Variants in USP15 observed in about 807,000 individuals in gnomAD.
USP15 encodes the protein ubiquitin carboxyl-terminal hydrolase 15.
Under a neutral mutation model 127.1 loss-of-function variants are expected in USP15, and 18 were observed. The observed-to-expected ratio is 0.14, with a 90% CI of 0.10 to 0.21. USP15 has a LOEUF of 0.21. Ranked by LOEUF, USP15 falls within the 10% of genes least tolerant of loss-of-function variation. The pLI is 1.00. For synonymous variants in USP15, 364 were observed against 393.7 expected (o/e 0.92, Z 0.89); for missense variants, 805 against 1,159.9 (o/e 0.69, Z 4.44).
intron 8 of USP15, among the ~76,000 whole-genome samples, chr12:62,371,638 G>A (rs2066672529): frequency 6.6e-6 from 1 of 152,028 alleles, no homozygotes; most frequent in Admixed American, 6.6e-5. Flanking sequence ...TCTTACACAA[G>A]TACCAATCTG....
At chr12:62,269,382 C>A (rs560352865) in intron 1 of USP15, among the ~76,000 whole-genome samples, 2 of 151,460 alleles carry the variant, frequency 1.3e-5, no homozygotes, top group South Asian at 4.2e-4. Context: ...ATATATATAT[C>A]TAAACATAGA....
chr12:62,308,551 T>C (rs942740789), intron 3 of USP15, among the ~76,000 whole-genome samples: 42 of 152,078 alleles, frequency 2.8e-4, no homozygotes, highest in Admixed American at 2.0e-4. Context: ...ACTTTGCCCT[T>C]AACTTACCCT....
At chr12:62,264,662 C>G (rs1308885461) in intron 1 of USP15, among the ~76,000 whole-genome samples, 1 of 152,244 alleles carries the variant, frequency 6.6e-6, no homozygotes, top group East Asian at 1.9e-4. Flanking sequence ...TCCATTCCGA[C>G]TTTTACTTAG....
chr12:62,393,157 G>A lies in USP15; in HGVS notation c.2525G>A (p.Arg842Gln). ...CATCTCAAGCGATTTTCTTACAGTC[G>A]ATACATGAGAGACAAGTTGGATACC... ...VVHLKRFSYS[R>Q]YMRDKLDTLV... Residue 842 changes from arginine (R) to glutamine (Q), a missense_variant, in exon 19 of 22, where the codon CGA (arginine) becomes CAA (glutamine). Arg to Gln is a conservative substitution (Grantham distance 43). Around this residue, in one of 11 missense-constraint regions of USP15, gnomAD observed 24 missense variants for 71.5 expected, o/e 0.34. Transcript: ENST00000280377. 7 of 1,613,630 alleles carry A rather than the reference G, an allele frequency of 4.3e-6. No individual in the cohort carries two copies. Among genetic ancestry groups the A allele is most frequent in the Non-Finnish European group, 5.1e-6 (6 of 1,179,792 alleles).
chr12:62,314,399 A>T (rs2064770169), intron 3 of USP15, among the ~76,000 whole-genome samples: 1 of 151,860 alleles, frequency 6.6e-6, no homozygotes, highest in Admixed American at 6.6e-5. Flanking sequence ...AACTCTGTTT[A>T]TTTGTATTAT....
chr12:62,264,823 A>C (rs4763165), intron 1 of USP15, among the ~76,000 whole-genome samples: 1 of 152,252 alleles, frequency 6.6e-6, no homozygotes, highest in Non-Finnish European at 1.5e-5. Context: ...ATACTTAAAG[A>C]AATTTTTATA....
chr12:62,297,522 G>T (rs1211962716), intron 2 of USP15, among the ~76,000 whole-genome samples: 1 of 151,974 alleles, frequency 6.6e-6, no homozygotes, highest in Non-Finnish European at 1.5e-5. Context: ...GCAGTATGAT[G>T]TAAGATACCA....
chr12:62,336,137 C>G (rs777183822), intron 6 of USP15: 13 of 985,372 alleles, frequency 1.3e-5, no homozygotes, highest in Non-Finnish European at 1.6e-5. Flanking sequence ...GTCAGAAGAC[C>G]TCTTTTATCA....
At chr12:62,343,708 C>T (rs755033938) in intron 6 of USP15, among the ~76,000 whole-genome samples, 10 of 152,146 alleles carry the variant, frequency 6.6e-5, no homozygotes, top group Non-Finnish European at 1.5e-4. Flanking sequence ...TGCTTCTGCT[C>T]ACTCTCTGTG....
chr12:62,371,905 G>A, intron 8 of USP15, among the ~76,000 whole-genome samples: 1 of 152,114 alleles, frequency 6.6e-6, no homozygotes, highest in East Asian at 1.9e-4. Flanking sequence ...GTGTGTGTGA[G>A]TAAGCAGGTT....
At chr12:62,293,352 GT>G (rs1488443831) in intron 1 of USP15, among the ~76,000 whole-genome samples, 1 of 151,920 alleles carries the variant, frequency 6.6e-6, no homozygotes, top group Non-Finnish European at 1.5e-5. Context: ...GTGATTATGT[GT>G]TTGTAATTTT....
At chr12:62,299,863 G>A (rs181512446) in intron 2 of USP15, among the ~76,000 whole-genome samples, 5 of 152,228 alleles carry the variant, frequency 3.3e-5, no homozygotes, top group Non-Finnish European at 1.5e-5. Flanking sequence ...CCGTCCAAGT[G>A]GGTGTGAAGT....
At chr12:62,352,940 C>A (rs1431725683) in intron 7 of USP15, among the ~76,000 whole-genome samples, 1 of 151,770 alleles carries the variant, frequency 6.6e-6, no homozygotes, top group Admixed American at 6.6e-5. Context: ...TTTATTTTTG[C>A]AAAGTAGCAT....
intron 14 of USP15, 146 bp downstream of exon 14, chr12:62,390,134 C>T (rs981205763): frequency 4.5e-6 from 4 of 885,960 alleles, no homozygotes; most frequent in Non-Finnish European, 6.3e-6. Context: ...AGATTATAGT[C>T]CTAATCCACT....
rs1012176599 is a variant in USP15, at chr12:62,393,342, A to C, written c.2570+140A>C. The C allele has an allele frequency of 2.8e-5, 25 of 891,050 alleles. No homozygotes were observed. The South Asian group carries it at 3.0e-4, about 11-fold the overall frequency. The allele number at this position is 891,050 out of a possible 1,614,324, so 55.2% of individuals were successfully genotyped here. Reference sequence around the variant, plus strand: ...TTCAAGTTTGTTTTTGAGTAGTTCTAACAGTTTATAAGGATCAGTGTTTCA... The same window carrying C: ...TTCAAGTTTGTTTTTGAGTAGTTCTCACAGTTTATAAGGATCAGTGTTTCA... On this transcript the variant is annotated intron_variant, in intron 19 of 21. Coordinates refer to ENST00000280377, the MANE Select transcript of USP15 (RefSeq NM_001252078.2).
At chr12:62,391,703 T>C in intron 16 of USP15, 113 bp from the exon 17 acceptor site, 1 of 1,019,094 alleles carries the variant, frequency 9.8e-7, no homozygotes, top group Non-Finnish European at 1.4e-6. Flanking sequence ...TAATCACCAG[T>C]ACAAGTAGAA....
intron 7 of USP15, among the ~76,000 whole-genome samples, chr12:62,352,065 A>G (rs1244538592): frequency 6.6e-6 from 1 of 151,818 alleles, no homozygotes; most frequent in East Asian, 1.9e-4. Context: ...TGTTTTTGAA[A>G]CCTTATGTAT....
intron 6 of USP15, among the ~76,000 whole-genome samples, chr12:62,345,741 C>G (rs1051007295): frequency 6.6e-6 from 1 of 152,122 alleles, no homozygotes; most frequent in Non-Finnish European, 1.5e-5. Context: ...TTCCACGTTT[C>G]TGGGGTGGGG....
chr12:62,293,847 C>G (rs2064049099), intron 1 of USP15, among the ~76,000 whole-genome samples: 1 of 152,076 alleles, frequency 6.6e-6, no homozygotes, highest in African/African-American at 2.4e-5. Context: ...ACCATTTTTT[C>G]TATTTACCAT....
Sources: allele counts gnomAD v4.1 joint callset (sites outside exome capture counted in the v4.1 genomes callset), GRCh38; gene constraint gnomAD v4.1.1; regional missense constraint gnomAD v4.1.1; transcripts MANE v1.5; gene names NCBI Gene and HGNC (gene_info 2026-07-23, HGNC 2026-07-21).